The following PRKG1 variants were observed in gnomAD, a reference collection of about 807,000 sequenced individuals.
PRKG1 encodes protein kinase cGMP-dependent 1, also known as cGMP-dependent protein kinase 1.
Under a neutral mutation model 88.1 loss-of-function variants are expected in PRKG1, and 35 were observed. The observed-to-expected ratio is 0.40, with a 90% CI of 0.30 to 0.53. The LOEUF (loss-of-function observed/expected upper bound fraction) is 0.53, where lower values mean the gene tolerates loss of function less well. PRKG1 is among the 20% of genes least tolerant of loss of function. The pLI is 0.59. For synonymous variants in PRKG1, 303 were observed against 292.5 expected (o/e 1.04, Z -0.37); for missense variants, 540 against 839.8 (o/e 0.64, Z 4.41).
intron 5 of PRKG1, among the ~76,000 whole-genome samples, chr10:52,018,864 T>C (rs956963610): frequency 1.1e-4 from 17 of 152,156 alleles, no homozygotes. Flanking sequence ...ATTTGGTCAA[T>C]GTGATTAGGC....
At chr10:51,680,625 C>G (rs1422310654) in intron 3 of PRKG1, among the ~76,000 whole-genome samples, 5 of 152,222 alleles carry the variant, frequency 3.3e-5, no homozygotes. Context: ...TTCAAGAAAA[C>G]TTCCATGATG....
intron 2 of PRKG1, among the ~76,000 whole-genome samples, chr10:51,372,734 A>G (rs1440160539): frequency 1.3e-5 from 2 of 152,212 alleles, no homozygotes; most frequent in Non-Finnish European, 2.9e-5. Context: ...TTGAAAAATC[A>G]CAAATTGAGA....
In PRKG1 at chr10:52,295,730, A is replaced by G. The variant is rs555513356; in HGVS notation, c.*1830A>G. ...ATTAGATCATTACACCTTAACTAAG[A>G]AGGCAAATCTTATAAATTTTGCTTG... is the stretch of plus-strand genomic sequence containing the variant. On this transcript the variant is annotated 3_prime_UTR_variant, in exon 18 of 18. Coordinates refer to ENST00000373980, the MANE Select transcript of PRKG1 (RefSeq NM_006258.4). The G allele has an allele frequency of 6.6e-6, 1 of 152,132 alleles. No individual in the cohort carries two copies. Among genetic ancestry groups the G allele is most frequent in the South Asian group, 2.1e-4 (1 of 4,826 alleles). 9.4% of individuals were successfully genotyped at this position (152,132 alleles called of 1,614,324 possible). A position where few individuals can be genotyped will look rare whatever the true frequency, so the allele number is the denominator to read the frequency against.
intron 2 of PRKG1, among the ~76,000 whole-genome samples, chr10:51,378,800 A>G (rs1296768896): frequency 6.6e-6 from 1 of 152,126 alleles, no homozygotes. Context: ...AATGTCACTC[A>G]TGGGGGGATT....
chr10:52,026,949 C>A (rs1287371880), intron 5 of PRKG1, among the ~76,000 whole-genome samples: 1 of 152,252 alleles, frequency 6.6e-6, no homozygotes, highest in Non-Finnish European at 1.5e-5. Context: ...TGCACTCCAG[C>A]CTGGGCGACA....
chr10:52,071,306 T>C (rs988571865), intron 7 of PRKG1, among the ~76,000 whole-genome samples: 16 of 152,090 alleles, frequency 1.1e-4, no homozygotes, highest in Non-Finnish European at 2.1e-4. Flanking sequence ...CTGCCTCCCC[T>C]CTTTTCAACT....
chr10:51,597,173 G>GT lies in PRKG1; in HGVS notation c.592+129347dup, dbSNP rs148426127. Among the ~76,000 whole-genome samples, 281 of 148,334 alleles carry GT rather than the reference G, an allele frequency of 1.9e-3. 3 individuals are homozygous for GT. Among genetic ancestry groups the GT allele is most frequent in the African/African-American group, 6.0e-3 (245 of 40,658 alleles). Reference sequence around the variant, plus strand: ...AAACTAAACTAACCTTCTAGAGTTTGTTTTTTTTTTAAACCTGTAATTTCA... The same window carrying GT: ...AAACTAAACTAACCTTCTAGAGTTTGTTTTTTTTTTTAAACCTGTAATTTCA... On this transcript the variant is annotated intron_variant, in intron 3 of 17. Coordinates refer to ENST00000373980, the MANE Select transcript of PRKG1 (RefSeq NM_006258.4).
At chr10:51,209,188 T>A (rs1349989571) in intron 2 of PRKG1, among the ~76,000 whole-genome samples, 1 of 152,164 alleles carries the variant, frequency 6.6e-6, no homozygotes, top group East Asian at 1.9e-4. Context: ...AAAGCTGGTT[T>A]TTTTTTGTCT....
At chr10:51,047,180 T>C (rs1843500816) in intron 1 of PRKG1, among the ~76,000 whole-genome samples, 1 of 152,154 alleles carries the variant, frequency 6.6e-6, no homozygotes, top group Non-Finnish European at 1.5e-5. Context: ...TCAAGGTCTG[T>C]AGTCTGGGCT....
chr10:51,637,166 A>G (rs7071294), intron 3 of PRKG1, among the ~76,000 whole-genome samples: 30,066 of 151,782 alleles, frequency 0.2, 3,053 homozygotes, highest in Admixed American at 0.24. Context: ...AAACATATGG[A>G]AAAAAAAAGC....
At chr10:51,033,541 A>C (rs1387239051) in intron 1 of PRKG1, among the ~76,000 whole-genome samples, 1 of 152,182 alleles carries the variant, frequency 6.6e-6, no homozygotes, top group East Asian at 1.9e-4. Context: ...ATGTCAGGAT[A>C]ATGACATTTA....
At chr10:51,537,004 A>G (rs1347529335) in intron 3 of PRKG1, among the ~76,000 whole-genome samples, 4 of 152,096 alleles carry the variant, frequency 2.6e-5, no homozygotes, top group Admixed American at 6.5e-5. Context: ...TTACATTAAA[A>G]TCTGTAATCC....
intron 2 of PRKG1, among the ~76,000 whole-genome samples, chr10:51,353,517 A>G (rs1436350582): frequency 6.6e-6 from 1 of 152,202 alleles, no homozygotes; most frequent in East Asian, 1.9e-4. Context: ...TCAAAAGAAG[A>G]CATACAAAAT....
At chr10:52,071,943 CAG>C (rs1024447294) in intron 7 of PRKG1, among the ~76,000 whole-genome samples, 3 of 152,102 alleles carry the variant, frequency 2.0e-5, no homozygotes, top group South Asian at 2.1e-4. Flanking sequence ...CTTGGGCTGA[CAG>C]AGAGAGTTAT....
At chr10:51,752,165 G>A (rs1292160232) in intron 3 of PRKG1, among the ~76,000 whole-genome samples, 1 of 152,052 alleles carries the variant, frequency 6.6e-6, no homozygotes, top group Admixed American at 6.6e-5. Context: ...TCTCATATAT[G>A]CTACTTCCTT....
rs555061753 is a variant in PRKG1, at chr10:51,306,370, A to T, written c.478+153040A>T. On this transcript the variant is annotated intron_variant, in intron 2 of 17. Transcript: ENST00000373980. ...TGGGCTTGAAAATCACCTATTTGAG[A>T]TTGATATGCATATTTCCCTCTTCAA... 5.9e-5 allele frequency among the ~76,000 whole-genome samples: 9 copies of T among 152,234 alleles called. No individual in the cohort carries two copies. In the South Asian group the frequency reaches 1.7e-3, roughly 28 times the overall value.
chr10:51,549,490 A>G (rs1209790550), intron 3 of PRKG1, among the ~76,000 whole-genome samples: 1 of 152,024 alleles, frequency 6.6e-6, no homozygotes, highest in Non-Finnish European at 1.5e-5. Context: ...CTTAGCTACT[A>G]GTTGCGATAG....
At chr10:52,049,093 T>A (rs1328273762) in intron 5 of PRKG1, among the ~76,000 whole-genome samples, 2 of 152,160 alleles carry the variant, frequency 1.3e-5, no homozygotes, top group African/African-American at 2.4e-5. Flanking sequence ...CTGTGCTGGT[T>A]ATCACGCAGT....
At chr10:51,344,916 G>A (rs768830088) in intron 2 of PRKG1, among the ~76,000 whole-genome samples, 1 of 152,116 alleles carries the variant, frequency 6.6e-6, no homozygotes, top group Non-Finnish European at 1.5e-5. Flanking sequence ...ATGCACAATA[G>A]GAACACTGGG....
Sources: gnomAD v4.1 joint callset for allele counts (sites outside exome capture counted in the v4.1 genomes callset) on GRCh38, gnomAD v4.1.1 for gene constraint, MANE v1.5 for transcripts, NCBI Gene and HGNC (gene_info 2026-07-23, HGNC 2026-07-21) for gene names.